Variants in CNOT2 observed in about 807,000 individuals in gnomAD.
The protein encoded by CNOT2 is CC chemokine receptor 4-negative regulator of transcription 2.
A neutral mutation model predicts 72.1 loss-of-function variants in CNOT2; 7 were observed. The observed-to-expected ratio is 0.10, with a 90% confidence interval of 0.06 to 0.18. The LOEUF is 0.18. CNOT2 is among the 10% of genes least tolerant of loss of function. The pLI, the probability that CNOT2 is intolerant of heterozygous loss-of-function variation, is 1.00. For synonymous variants in CNOT2, 196 were observed against 225.6 expected, an observed-to-expected ratio of 0.87 and a Z score of 1.17; for missense variants, 345 against 660.3, an observed-to-expected ratio of 0.52 and a Z score of 5.23.
intron 1 of CNOT2, among the ~76,000 whole-genome samples, chr12:70,257,246 A>G (rs1053463923): frequency 1.3e-5 from 2 of 152,180 alleles, no homozygotes; most frequent in African/African-American, 2.4e-5. Context: ...AACAGGTATA[A>G]TATACTTAAC....
intron 4 of CNOT2, among the ~76,000 whole-genome samples, chr12:70,326,838 G>A (rs2136011289): frequency 6.6e-6 from 1 of 151,762 alleles, no homozygotes; most frequent in Non-Finnish European, 1.5e-5. Flanking sequence ...AGCTGTTTTT[G>A]TGAAGATTAA....
At chr12:70,339,758 TC>T (rs1360188302) in intron 11 of CNOT2, among the ~76,000 whole-genome samples, 1 of 152,126 alleles carries the variant, frequency 6.6e-6, no homozygotes, top group East Asian at 1.9e-4. Context: ...TTCTCCTTAT[TC>T]TTACTATCAA....
At chr12:70,256,125 C>T (rs538764184) in intron 1 of CNOT2, among the ~76,000 whole-genome samples, 3 of 152,102 alleles carry the variant, frequency 2.0e-5, no homozygotes, top group Non-Finnish European at 4.4e-5. Context: ...TAATTTATAT[C>T]CTAAGCTTTA....
chr12:70,350,657 A>G (rs1882750624), intron 15 of CNOT2, among the ~76,000 whole-genome samples: 2 of 152,220 alleles, frequency 1.3e-5, no homozygotes, highest in African/African-American at 2.4e-5. Flanking sequence ...AAATATTAGT[A>G]ACATTGTATA....
At chr12:70,332,334 G>C (rs2136032545) in intron 6 of CNOT2, 1 of 152,892 alleles carries the variant, frequency 6.5e-6, no homozygotes, top group South Asian at 2.1e-4. Context: ...TACTGTAAGA[G>C]AGAAGATCTA....
chr12:70,313,144 C>T (rs1876754591), intron 3 of CNOT2, among the ~76,000 whole-genome samples: 1 of 151,946 alleles, frequency 6.6e-6, no homozygotes, highest in Non-Finnish European at 1.5e-5. Flanking sequence ...ATTAATTTTA[C>T]ACACACACAG....
intron 15 of CNOT2, among the ~76,000 whole-genome samples, chr12:70,348,267 G>C (rs1308515720): frequency 6.6e-6 from 1 of 152,152 alleles, no homozygotes; most frequent in East Asian, 1.9e-4. Context: ...TAGGTCATTG[G>C]TTCTCAAACT....
intron 2 of CNOT2, chr12:70,294,080 A>C (rs1872429209): frequency 1.6e-6 from 2 of 1,273,170 alleles, no homozygotes; most frequent in Non-Finnish European, 2.1e-6. Flanking sequence ...GAGCGGAAGA[A>C]TCCCATCGTT....
intron 4 of CNOT2, among the ~76,000 whole-genome samples, chr12:70,325,142 G>A (rs925988101): frequency 4.0e-5 from 6 of 151,840 alleles, no homozygotes; most frequent in African/African-American, 1.5e-4. Flanking sequence ...AGTTAGATAT[G>A]AGTAGTAAAG....
intron 1 of CNOT2, among the ~76,000 whole-genome samples, chr12:70,269,529 A>G (rs1390566746): frequency 6.6e-6 from 1 of 152,152 alleles, no homozygotes. Context: ...GACTAAACAA[A>G]CTCAGTAACA....
intron 4 of CNOT2, among the ~76,000 whole-genome samples, chr12:70,326,799 A>C (rs1222801954): frequency 6.6e-6 from 1 of 151,900 alleles, no homozygotes; most frequent in Non-Finnish European, 1.5e-5. Flanking sequence ...TACTTCAACA[A>C]AATTAAACTT....
At chr12:70,323,915 C>G (rs1315619715) in intron 4 of CNOT2, 1 of 151,806 alleles carries the variant, frequency 6.6e-6, no homozygotes, top group Non-Finnish European at 1.5e-5. Context: ...CACGCACACA[C>G]ACACACACAG....
At chr12:70,283,662 A>AG (rs1870309980) in intron 2 of CNOT2, among the ~76,000 whole-genome samples, 1 of 151,064 alleles carries the variant, frequency 6.6e-6, no homozygotes, top group African/African-American at 2.4e-5. Context: ...AAAAAAAAAA[A>AG]AAAAAGGAAA....
At chr12:70,344,459 G>T in intron 14 of CNOT2, 1 of 425,902 alleles carries the variant, frequency 2.3e-6, no homozygotes, top group Non-Finnish European at 4.2e-6. Context: ...TGGGTGCAGT[G>T]GCTCACACTT....
rs567401870 is a variant in CNOT2 at position 70,262,199 on chromosome 12, C to G, written c.-95-15933C>G. On this transcript the variant is annotated intron_variant, in intron 1 of 15. Coordinates refer to ENST00000229195, the MANE Select transcript of CNOT2 (RefSeq NM_014515.7). ...TCTCATTTTTTTATTCTCTAGTTCA[C>G]TTATATCGGCTCTCATCTTTATTAT... 3.9e-5 allele frequency among the ~76,000 whole-genome samples: 6 copies of G among 152,156 alleles called. No individual in the cohort carries two copies. In the East Asian group the frequency reaches 9.6e-4, roughly 24 times the overall value.
intron 2 of CNOT2, among the ~76,000 whole-genome samples, chr12:70,279,046 A>G (rs189203411): frequency 6.6e-6 from 1 of 152,352 alleles, no homozygotes; most frequent in East Asian, 1.9e-4. Flanking sequence ...AATACTTTAA[A>G]GTTTGAGTAC....
intron 2 of CNOT2, among the ~76,000 whole-genome samples, chr12:70,303,250 C>G (rs981236133): frequency 6.6e-6 from 1 of 152,242 alleles, no homozygotes; most frequent in East Asian, 1.9e-4. Flanking sequence ...TGAATTTGAT[C>G]CTGTCATTAT....
At chr12:70,277,366 A>G (rs557935807) in intron 1 of CNOT2, among the ~76,000 whole-genome samples, 1 of 151,912 alleles carries the variant, frequency 6.6e-6, no homozygotes, top group African/African-American at 2.4e-5. Context: ...TTTTATTTTT[A>G]TTTTTTATTT....
chr12:70,301,445 T>C (rs1873951283), intron 2 of CNOT2, among the ~76,000 whole-genome samples: 3 of 152,104 alleles, frequency 2.0e-5, no homozygotes, highest in Middle Eastern at 6.8e-3. Flanking sequence ...TGTTGAATTT[T>C]GTCAAAGGCC....
Sources: allele counts gnomAD v4.1 joint callset (sites outside exome capture counted in the v4.1 genomes callset), GRCh38; gene constraint gnomAD v4.1.1; transcripts MANE v1.5; gene names NCBI Gene and HGNC (gene_info 2026-07-23, HGNC 2026-07-21).